Variants in SLAMF1 observed in about 807,000 individuals in gnomAD.
SLAMF1 encodes the protein signaling lymphocytic activation molecule family member 1, also known as signaling lymphocytic activation molecule.
Under a neutral mutation model 35.1 loss-of-function variants are expected in SLAMF1, and 18 were observed. The ratio of observed to expected loss-of-function variants is 0.51; its 90% CI spans 0.35 to 0.76. SLAMF1 has a LOEUF of 0.76. SLAMF1 is among the 30% of genes least tolerant of loss of function. The probability of loss-of-function intolerance (pLI) is 0.01; values close to 1 mark genes in which losing one functional copy is unlikely to be tolerated. For missense variants in SLAMF1, 392 were observed against 413.0 expected (o/e 0.95, Z 0.44); for synonymous variants, 168 against 157.2 (o/e 1.07, Z -0.51).
chr1:160,644,892 G>A (rs539377562), intron 1 of SLAMF1, among the ~76,000 whole-genome samples: 13 of 152,236 alleles, frequency 8.5e-5, no homozygotes, highest in Non-Finnish European at 5.9e-5. Context: ...GGGTGCAGAG[G>A]AACTGCATGG....
chr1:160,632,703 C>A, intron 3 of SLAMF1, among the ~76,000 whole-genome samples: 1 of 152,046 alleles, frequency 6.6e-6, no homozygotes, highest in East Asian at 1.9e-4. Context: ...GCAGCTATAC[C>A]CAGAGAGGGC....
At chr1:160,622,032 A>C (rs896222470) in intron 4 of SLAMF1, among the ~76,000 whole-genome samples, 7 of 152,176 alleles carry the variant, frequency 4.6e-5, no homozygotes, top group African/African-American at 1.7e-4. Flanking sequence ...AGAACAGACT[A>C]CAGTCCTCAA....
rs570864404 is a variant in SLAMF1 at position 160,610,528 on chromosome 1, C to T, written c.*220G>A. On this transcript the variant is annotated 3_prime_UTR_variant, in exon 7 of 7. Coordinates refer to ENST00000302035, the MANE Select transcript of SLAMF1 (RefSeq NM_003037.5). Reference sequence around the variant, plus strand: ...TGTTATCAAGTAACGCTCTGTTCTGCGCCTGCAGCCACTGCACAGCAAGCT... The same window carrying T: ...TGTTATCAAGTAACGCTCTGTTCTGTGCCTGCAGCCACTGCACAGCAAGCT... 3.1e-5 allele frequency: 18 copies of T among 576,450 alleles called. No individual in the cohort carries two copies. The highest frequency in any genetic ancestry group is 1.4e-4 in the South Asian group (7 of 51,608). 35.7% of individuals were successfully genotyped at this position (576,450 alleles called of 1,614,324 possible).
At position 160,642,772 on chromosome 1, in the gene SLAMF1, C is replaced by T. The variant is rs1362474182; in HGVS notation, c.76+4098G>A. Among the ~76,000 whole-genome samples, 3 of 152,112 alleles carry T rather than the reference C, an allele frequency of 2.0e-5. No homozygotes were observed. Among genetic ancestry groups the T allele is most frequent in the Non-Finnish European group, 2.9e-5 (2 of 68,016 alleles). On this transcript the variant is annotated intron_variant, in intron 1 of 6. Coordinates refer to ENST00000302035, the MANE Select transcript of SLAMF1 (RefSeq NM_003037.5). This position sits in a 1 kb window ranked among gnomAD's most constrained non-coding sequence, Gnocchi z 4.2. ...CTTTTCCCCACTTGCCAGCTGAGGACATGGAAGTGCCTTAAATATAAACCC... is the reference window on the plus strand; with the variant it reads ...CTTTTCCCCACTTGCCAGCTGAGGATATGGAAGTGCCTTAAATATAAACCC...
In SLAMF1 at chr1:160,610,495, T is replaced by C. The variant is rs1570957590; in HGVS notation, c.*253A>G. 2 of 535,308 alleles carry C rather than the reference T, an allele frequency of 3.7e-6. No homozygotes were observed. The highest frequency in any genetic ancestry group is 2.7e-5 in the Admixed American group (1 of 37,420). 33.2% of individuals were successfully genotyped at this position (535,308 alleles called of 1,614,324 possible). The stretch of plus-strand genomic sequence containing the variant: ...CATTTCATCTGCTACAACACAAAGA[T>C]GGAACGCTGTTATCAAGTAACGCTC... On this transcript the variant is annotated 3_prime_UTR_variant, in exon 7 of 7. Coordinates refer to ENST00000302035, the MANE Select transcript of SLAMF1 (RefSeq NM_003037.5).
At chr1:160,613,414 C>G (rs968664821) in intron 5 of SLAMF1, among the ~76,000 whole-genome samples, 2 of 152,198 alleles carry the variant, frequency 1.3e-5, no homozygotes, top group African/African-American at 4.8e-5. Context: ...ATAAACTCTT[C>G]AGCTGATATT....
Position 160,634,799 on chromosome 1 carries a change from C to T in SLAMF1, c.514G>A (p.Val172Met), listed in dbSNP as rs1310364825. The change falls in exon 3 of 7, where the codon GTG (valine) becomes ATG (methionine). Residue 172 changes from valine to methionine, a missense_variant. Physicochemically the swap from Val to Met is conservative, Grantham distance 21 (BLOSUM62 1). Transcript: ENST00000302035. ...GCCTTTTCACTCCAGCTGTAAGCCA[C>T]ATGGTCCCCCTTCTCCACTGTGCAG... is the stretch of plus-strand genomic sequence containing the variant. ...LGCTVEKGDH[V>M]AYSWSEKAGT... is the part of the protein sequence containing the mutation. 1 of 1,614,030 alleles carries T rather than the reference C, an allele frequency of 6.2e-7. No individual in the cohort carries two copies. Among genetic ancestry groups the T allele is most frequent in the African/African-American group, 1.3e-5 (1 of 74,900 alleles).
chr1:160,616,384 A>T (rs1324106650), intron 5 of SLAMF1, among the ~76,000 whole-genome samples: 1 of 726 alleles, frequency 1.4e-3, no homozygotes, highest in African/African-American at 1.6e-3. Context: ...GTGCCTTCTT[A>T]AAAAAAAAAA....
intron 3 of SLAMF1, among the ~76,000 whole-genome samples, chr1:160,626,185 A>AT (rs1659870779): frequency 6.6e-6 from 1 of 152,154 alleles, no homozygotes; most frequent in Non-Finnish European, 1.5e-5. Context: ...AATAAAACCA[A>AT]CAGACAAAGT....
intron 6 of SLAMF1, 22 bp from the exon 7 acceptor site, chr1:160,610,820 G>A: frequency 6.4e-7 from 1 of 1,568,240 alleles, no homozygotes; most frequent in Non-Finnish European, 8.8e-7. Flanking sequence ...GCAGAAGTCT[G>A]TGAGTAGAGG....
chr1:160,636,914 C>T (rs78056396), intron 2 of SLAMF1: 6,285 of 431,424 alleles, frequency 0.015, 67 homozygotes, highest in Middle Eastern at 0.025. Flanking sequence ...TTGGGTCTAT[C>T]GGCCCTCCAG....
intron 3 of SLAMF1, 34 bp downstream of exon 3, chr1:160,634,579 A>T: frequency 3.8e-6 from 6 of 1,558,626 alleles, no homozygotes; most frequent in Non-Finnish European, 4.4e-6. Flanking sequence ...CATGCTCATT[A>T]AGGTGGCACA....
At chr1:160,643,265 C>T (rs1354926451) in intron 1 of SLAMF1, among the ~76,000 whole-genome samples, 2 of 152,106 alleles carry the variant, frequency 1.3e-5, no homozygotes, top group African/African-American at 2.4e-5. Context: ...CGTTACATGT[C>T]TTGGCTTTTA....
chr1:160,624,146 C>A lies in SLAMF1; in HGVS notation c.740G>T (p.Gly247Val). Reference protein sequence around the residue: ...PWAVYAGLLGGVIMILIMVVI... With the variant: ...PWAVYAGLLGVVIMILIMVVI... ...CACCATGATGAGAATCATGATGACACCCCCTAACAGCCCAGCATACACTGC... is the reference window on the plus strand; with the variant it reads ...CACCATGATGAGAATCATGATGACAACCCCTAACAGCCCAGCATACACTGC... The change falls in exon 4 of 7, where the codon GGT becomes GTT. Residue 247 changes from glycine (G) to valine (V), a missense_variant. Coordinates refer to ENST00000302035, the MANE Select transcript of SLAMF1 (RefSeq NM_003037.5). 1 of 1,610,918 alleles carries A rather than the reference C, an allele frequency of 6.2e-7. No homozygotes were observed. Among genetic ancestry groups the A allele is most frequent in the Non-Finnish European group, 8.5e-7 (1 of 1,178,844 alleles).
At chr1:160,633,596 A>C (rs143632678) in intron 3 of SLAMF1, among the ~76,000 whole-genome samples, 140 of 152,328 alleles carry the variant, frequency 9.2e-4, no homozygotes, top group Non-Finnish European at 1.5e-3. Context: ...AGAGAGGAGA[A>C]TGTCAGGGTG....
chr1:160,613,610 C>T (rs1659122168), intron 5 of SLAMF1, among the ~76,000 whole-genome samples: 1 of 152,184 alleles, frequency 6.6e-6, no homozygotes, highest in Admixed American at 6.5e-5. Context: ...GGTATAGAGC[C>T]AGACTTGAAG....
intron 6 of SLAMF1, among the ~76,000 whole-genome samples, chr1:160,611,421 G>C (rs1658979452): frequency 6.6e-6 from 1 of 152,128 alleles, no homozygotes. Context: ...TCTTAGATAT[G>C]ACAGTGAAGT....
intron 4 of SLAMF1, 83 bp downstream of exon 4, chr1:160,624,013 A>G: frequency 1.1e-6 from 1 of 951,204 alleles, no homozygotes. Context: ...CAGAGTTGTG[A>G]GAGCAAGTCC....
chr1:160,612,781 A>C (rs1040655745), intron 5 of SLAMF1, among the ~76,000 whole-genome samples: 1 of 152,094 alleles, frequency 6.6e-6, no homozygotes, highest in Admixed American at 6.6e-5. Context: ...GGACTCCCCA[A>C]GTGGCGTCTT....
Sources: allele counts gnomAD v4.1 joint callset (sites outside exome capture counted in the v4.1 genomes callset), GRCh38; gene constraint gnomAD v4.1.1; non-coding constraint Gnocchi (gnomAD v3.1); transcripts MANE v1.5; gene names NCBI Gene and HGNC (gene_info 2026-07-23, HGNC 2026-07-21).